PRKD1: variants seen among roughly 807,000 people sequenced by gnomAD.
The protein encoded by PRKD1 is protein kinase D1.
Under a neutral mutation model 95.9 loss-of-function variants are expected in PRKD1, and 63 were observed. The ratio of observed to expected loss-of-function variants is 0.66; its 90% confidence interval spans 0.54 to 0.81. The LOEUF is 0.81. Ranked by LOEUF, PRKD1 falls within the 30% of genes least tolerant of loss-of-function variation. The pLI is 0.00. For synonymous variants in PRKD1, 425 were observed against 423.1 expected (o/e 1.00, Z -0.05); for missense variants, 1,048 against 1,165.3 (o/e 0.90, Z 1.47).
At chr14:29,683,514 A>G (rs1445921353) in intron 2 of PRKD1, among the ~76,000 whole-genome samples, 4 of 152,176 alleles carry the variant, frequency 2.6e-5, no homozygotes, top group African/African-American at 9.7e-5. Context: ...TCTTAAAGAC[A>G]TGTGTGTGAA....
chr14:29,607,749 C>T (rs1435530205), intron 13 of PRKD1, among the ~76,000 whole-genome samples: 1 of 152,164 alleles, frequency 6.6e-6, no homozygotes, highest in Non-Finnish European at 1.5e-5. Flanking sequence ...CCTGAATAAT[C>T]CAAACGACTC....
At chr14:29,897,301 A>G (rs951796164) in intron 1 of PRKD1, among the ~76,000 whole-genome samples, 2 of 152,118 alleles carry the variant, frequency 1.3e-5, no homozygotes. Flanking sequence ...ACTGTATACT[A>G]TTTCCTTATT....
At chr14:29,825,330 G>A (rs1296636546) in intron 1 of PRKD1, among the ~76,000 whole-genome samples, 1 of 152,140 alleles carries the variant, frequency 6.6e-6, no homozygotes, top group Non-Finnish European at 1.5e-5. Context: ...GGTCTGCAAA[G>A]TAATTTTGAG....
At chr14:29,775,232 C>T (rs746366251) in intron 1 of PRKD1, among the ~76,000 whole-genome samples, 3 of 152,144 alleles carry the variant, frequency 2.0e-5, no homozygotes, top group Non-Finnish European at 4.4e-5. Flanking sequence ...ACGCAGAAGG[C>T]GGGTGATTTC....
intron 1 of PRKD1, among the ~76,000 whole-genome samples, chr14:29,796,296 T>C (rs1195130887): frequency 6.6e-6 from 1 of 152,188 alleles, no homozygotes; most frequent in Non-Finnish European, 1.5e-5. Flanking sequence ...ACTCTGGAAT[T>C]TGGAAATTGG....
At chr14:29,878,126 C>G (rs1893368520) in intron 1 of PRKD1, among the ~76,000 whole-genome samples, 1 of 151,984 alleles carries the variant, frequency 6.6e-6, no homozygotes, top group African/African-American at 2.4e-5. Flanking sequence ...AACAGATGAA[C>G]AACAGACACT....
chr14:29,661,390 TA>T (rs771806010), intron 4 of PRKD1, among the ~76,000 whole-genome samples: 2 of 152,186 alleles, frequency 1.3e-5, no homozygotes, highest in Non-Finnish European at 2.9e-5. Flanking sequence ...ATTGCTATAA[TA>T]TCACCTCTTA....
chr14:29,579,806 C>T (rs1892694595), intron 16 of PRKD1, among the ~76,000 whole-genome samples: 1 of 152,138 alleles, frequency 6.6e-6, no homozygotes, highest in Admixed American at 6.5e-5. Context: ...TTGCCTATGC[C>T]TATACACTCT....
chr14:29,760,047 G>A (rs919206460), intron 1 of PRKD1, among the ~76,000 whole-genome samples: 5 of 152,118 alleles, frequency 3.3e-5, no homozygotes, highest in African/African-American at 1.2e-4. Flanking sequence ...TTAAATAAGA[G>A]GCCACTGTGT....
chr14:29,612,018 CA>C (rs1878503285), intron 13 of PRKD1, among the ~76,000 whole-genome samples: 2 of 152,052 alleles, frequency 1.3e-5, no homozygotes, highest in African/African-American at 4.8e-5. Context: ...GTCAGCACAC[CA>C]AAAAGCATAA....
chr14:29,829,951 A>G (rs1328618607), intron 1 of PRKD1, among the ~76,000 whole-genome samples: 2 of 152,214 alleles, frequency 1.3e-5, no homozygotes, highest in African/African-American at 4.8e-5. Flanking sequence ...AAAAATATTA[A>G]TGAAGTAGCA....
At chr14:29,669,842 T>G (rs1467263228) in intron 2 of PRKD1, among the ~76,000 whole-genome samples, 1 of 152,178 alleles carries the variant, frequency 6.6e-6, no homozygotes, top group Non-Finnish European at 1.5e-5. Context: ...CACTCCAGCC[T>G]GGACAACAGA....
chr14:29,702,216 A>G (rs112530590), intron 2 of PRKD1, among the ~76,000 whole-genome samples: 2 of 152,010 alleles, frequency 1.3e-5, no homozygotes, highest in African/African-American at 4.8e-5. Flanking sequence ...TTTATTATCA[A>G]CCCCTCTAAT....
At chr14:29,805,416 CA>C (rs1566611111) in intron 1 of PRKD1, among the ~76,000 whole-genome samples, 1 of 151,954 alleles carries the variant, frequency 6.6e-6, no homozygotes, top group Admixed American at 6.6e-5. Context: ...AAATGCATTA[CA>C]AAAAAAGAAA....
chr14:29,852,236 A>G (rs1282821836), intron 1 of PRKD1, among the ~76,000 whole-genome samples: 1 of 152,188 alleles, frequency 6.6e-6, no homozygotes, highest in Non-Finnish European at 1.5e-5. Context: ...ATCTAAAATA[A>G]AAGTTGAGAA....
chr14:29,730,254 C>A (rs1051040360), intron 1 of PRKD1, among the ~76,000 whole-genome samples: 5 of 151,830 alleles, frequency 3.3e-5, no homozygotes, highest in African/African-American at 1.2e-4. Context: ...ATGGACAACA[C>A]GTATATGAAA....
intron 16 of PRKD1, among the ~76,000 whole-genome samples, chr14:29,588,617 C>G (rs1167518043): frequency 6.6e-6 from 1 of 152,036 alleles, no homozygotes; most frequent in Non-Finnish European, 1.5e-5. Flanking sequence ...GAAAAAGAAG[C>G]ACAAATACGA....
chr14:29,629,157 GTAAGTACATGCT>G, intron 10 of PRKD1, 64 bp from the exon 11 acceptor site: 1 of 1,332,104 alleles, frequency 7.5e-7, no homozygotes. Context: ...AGCAAAACAA[GTAAGTACATGCT>G]TACAAATCAT....
intron 1 of PRKD1, among the ~76,000 whole-genome samples, chr14:29,908,569 G>A (rs529787756): frequency 6.6e-6 from 1 of 152,298 alleles, no homozygotes; most frequent in African/African-American, 2.4e-5. Flanking sequence ...ACAGGCGTGA[G>A]CCACCAAACC....
Sources: gnomAD v4.1 joint callset for allele counts (sites outside exome capture counted in the v4.1 genomes callset) on GRCh38, gnomAD v4.1.1 for gene constraint, MANE v1.5 for transcripts, NCBI Gene and HGNC (gene_info 2026-07-23, HGNC 2026-07-21) for gene names.